The following SSH2 variants were observed in gnomAD, a reference collection of about 807,000 sequenced individuals.
SSH2 encodes slingshot protein phosphatase 2, also known as protein phosphatase Slingshot homolog 2.
A neutral mutation model predicts 135.2 loss-of-function variants in SSH2; 37 were observed. The ratio of observed to expected loss-of-function variants is 0.27; its 90% confidence interval spans 0.21 to 0.36. The LOEUF (loss-of-function observed/expected upper bound fraction) is 0.36. SSH2 is among the 10% of genes least tolerant of loss of function. The pLI is 1.00. For synonymous variants in SSH2, 628 were observed against 646.2 expected, an observed-to-expected ratio of 0.97 and a Z score of 0.43; for missense variants, 1,408 against 1,765.3, an observed-to-expected ratio of 0.80 and a Z score of 3.63.
intron 3 of SSH2, among the ~76,000 whole-genome samples, chr17:29,739,790 G>GT (rs1031030188): frequency 3.6e-4 from 55 of 152,082 alleles, no homozygotes; most frequent in African/African-American, 1.2e-3. Flanking sequence ...TTTACCTTTG[G>GT]TTTTTTTATT....
chr17:29,908,677 C>A (rs2066701575), intron 1 of SSH2, among the ~76,000 whole-genome samples: 1 of 143,976 alleles, frequency 6.9e-6, no homozygotes. Flanking sequence ...AGCAGGAGAA[C>A]TGCTTGAACC....
chr17:29,633,097 C>T (rs532927284), intron 15 of SSH2, among the ~76,000 whole-genome samples, 166 bp from the exon 16 acceptor site: 1 of 152,134 alleles, frequency 6.6e-6, no homozygotes, highest in Non-Finnish European at 1.5e-5. Context: ...TGTCAGACTA[C>T]AAGAAAAAAC....
intron 3 of SSH2, among the ~76,000 whole-genome samples, chr17:29,710,172 G>A (rs2039383048): frequency 6.6e-6 from 1 of 152,190 alleles, no homozygotes; most frequent in Non-Finnish European, 1.5e-5. Context: ...ACTGCTGAAC[G>A]TCAGTTGGAT....
intron 4 of SSH2, among the ~76,000 whole-genome samples, chr17:29,696,673 G>GTA (rs2038770035): frequency 1.1e-5 from 1 of 88,892 alleles, no homozygotes; most frequent in South Asian, 2.6e-4. Flanking sequence ...ATATACGTAC[G>GTA]TGTGTGTGTG....
chr17:29,673,398 C>T (rs545642601), intron 8 of SSH2, among the ~76,000 whole-genome samples: 13 of 151,908 alleles, frequency 8.6e-5, no homozygotes, highest in Non-Finnish European at 8.8e-5. Flanking sequence ...GGTGAAACCC[C>T]ATCTCTACTA....
At chr17:29,721,821 G>C (rs1209157798) in intron 3 of SSH2, among the ~76,000 whole-genome samples, 2 of 152,118 alleles carry the variant, frequency 1.3e-5, no homozygotes. Context: ...CTCTGAAAAG[G>C]GAGACGACCA....
At chr17:29,793,652 C>T (rs2729436) in intron 3 of SSH2, 3 of 303,730 alleles carry the variant, frequency 9.9e-6, no homozygotes, top group South Asian at 1.1e-4. Flanking sequence ...TTTTAAAAAA[C>T]GGAGGAAGGT....
At chr17:29,761,888 T>TATATA (rs1420701753) in intron 3 of SSH2, among the ~76,000 whole-genome samples, 1 of 132,306 alleles carries the variant, frequency 7.6e-6, no homozygotes, top group African/African-American at 3.0e-5. Context: ...TATATATATA[T>TATATA]TTTTTTTTGA....
intron 2 of SSH2, among the ~76,000 whole-genome samples, chr17:29,819,908 T>C (rs2042623961): frequency 6.6e-6 from 1 of 152,190 alleles, no homozygotes; most frequent in African/African-American, 2.4e-5. Flanking sequence ...TAATCAATGT[T>C]GAGTTCATAA....
chr17:29,816,337 G>T (rs1201263699), intron 2 of SSH2, among the ~76,000 whole-genome samples: 1 of 152,052 alleles, frequency 6.6e-6, no homozygotes, highest in Admixed American at 6.6e-5. Flanking sequence ...TTTACATAAG[G>T]CTTAAAATAA....
At chr17:29,876,778 T>C (rs939451799) in intron 1 of SSH2, among the ~76,000 whole-genome samples, 1 of 151,934 alleles carries the variant, frequency 6.6e-6, no homozygotes, top group African/African-American at 2.4e-5. Context: ...CAAGAAAACA[T>C]TGGGAGAACT....
intron 4 of SSH2, among the ~76,000 whole-genome samples, chr17:29,702,641 C>A (rs1220522842): frequency 6.6e-6 from 1 of 152,090 alleles, no homozygotes; most frequent in South Asian, 2.1e-4. Context: ...GGTGACACAG[C>A]GAAACTCCAT....
intron 2 of SSH2, among the ~76,000 whole-genome samples, chr17:29,836,424 C>T (rs1485550758): frequency 1.3e-5 from 2 of 152,124 alleles, no homozygotes; most frequent in East Asian, 1.9e-4. Context: ...CTTTGTTCAT[C>T]ACTGAATACC....
chr17:29,799,337 C>T (rs2042211214), intron 2 of SSH2, among the ~76,000 whole-genome samples: 1 of 152,116 alleles, frequency 6.6e-6, no homozygotes, highest in Non-Finnish European at 1.5e-5. Flanking sequence ...AAAGGTTCAA[C>T]TTTACAAGAT....
rs901730877 is a variant in SSH2, at chr17:29,631,135, T to G, written c.4059A>C (p.Gln1353His). The G allele has an allele frequency of 1.2e-6, 2 of 1,614,166 alleles. No homozygotes were observed. The highest frequency in any genetic ancestry group is 2.7e-5 in the African/African-American group (2 of 75,026). Reference sequence around the variant, plus strand: ...GCACAATACACTCTGTTGTTGTGAGTTGTTCTACAAAAGACTTGGTGGGCT... The same window carrying G: ...GCACAATACACTCTGTTGTTGTGAGGTGTTCTACAAAAGACTTGGTGGGCT... Reference protein sequence around the residue: ...NPEPTKSFVEQLTTTECIVQS... With the variant: ...NPEPTKSFVEHLTTTECIVQS... The change falls in exon 16 of 16, where the codon CAA (glutamine) becomes CAC (histidine). Residue 1353 changes from glutamine to histidine, a missense_variant. By Grantham distance (24) the Gln-to-His change is conservative (BLOSUM62 0). Coordinates refer to ENST00000540801, the MANE Select transcript of SSH2 (RefSeq NM_001282129.2).
intron 2 of SSH2, among the ~76,000 whole-genome samples, chr17:29,824,697 T>C (rs1202311807): frequency 6.6e-6 from 1 of 152,158 alleles, no homozygotes; most frequent in East Asian, 1.9e-4. Flanking sequence ...AGAATGGATA[T>C]AGGGTATTCA....
intron 3 of SSH2, among the ~76,000 whole-genome samples, chr17:29,769,823 C>T (rs1322592638): frequency 6.6e-6 from 1 of 152,108 alleles, no homozygotes; most frequent in African/African-American, 2.4e-5. Context: ...TCTTGAATAC[C>T]TGTATGCCAG....
At chr17:29,805,642 C>CTT (rs1016623591) in intron 2 of SSH2, among the ~76,000 whole-genome samples, 9 of 152,066 alleles carry the variant, frequency 5.9e-5, no homozygotes, top group African/African-American at 2.2e-4. Context: ...AGAAAACAGG[C>CTT]TTTTAAACAT....
intron 3 of SSH2, among the ~76,000 whole-genome samples, chr17:29,738,372 G>C (rs1030990276): frequency 1.3e-5 from 2 of 152,084 alleles, no homozygotes; most frequent in Admixed American, 1.3e-4. Context: ...ATTGTGAATA[G>C]TGCCGCAATA....
Sources: gnomAD v4.1 joint callset for allele counts (sites outside exome capture counted in the v4.1 genomes callset) on GRCh38, gnomAD v4.1.1 for gene constraint, MANE v1.5 for transcripts, NCBI Gene and HGNC (gene_info 2026-07-23, HGNC 2026-07-21) for gene names.